TSPAN14: variants seen among roughly 807,000 people sequenced by gnomAD.
The protein encoded by TSPAN14 is tetraspanin 14, also known as tetraspanin-14.
In TSPAN14, 16 loss-of-function variants were observed where a neutral mutation model predicts 36.6. The observed-to-expected ratio is 0.44, with a 90% CI of 0.30 to 0.66. The LOEUF (loss-of-function observed/expected upper bound fraction) is 0.66. Ranked by LOEUF, TSPAN14 falls within the 30% of genes least tolerant of loss-of-function variation. The pLI is 0.12. For synonymous variants in TSPAN14, 139 were observed against 143.8 expected (o/e 0.97, Z 0.24); for missense variants, 231 against 355.1 (o/e 0.65, Z 2.81).
At chr10:80,491,102 T>C (rs1395223240) in intron 2 of TSPAN14, among the ~76,000 whole-genome samples, 1 of 152,166 alleles carries the variant, frequency 6.6e-6, no homozygotes, top group African/African-American at 2.4e-5. Flanking sequence ...TATCTTAGTA[T>C]GTTTGGGGAT....
intron 2 of TSPAN14, among the ~76,000 whole-genome samples, chr10:80,502,605 C>G (rs1848583011): frequency 2.0e-5 from 3 of 151,760 alleles, no homozygotes; most frequent in South Asian, 4.2e-4. Context: ...CTTACACTTG[C>G]TGGGTGGACG....
intron 1 of TSPAN14, among the ~76,000 whole-genome samples, chr10:80,459,856 C>G (rs542043193): frequency 6.6e-6 from 1 of 152,262 alleles, no homozygotes; most frequent in African/African-American, 2.4e-5. Context: ...GTGTCTGTCC[C>G]CAGTCTGGGT....
chr10:80,474,023 T>C (rs1353081857), intron 1 of TSPAN14, among the ~76,000 whole-genome samples: 1 of 152,146 alleles, frequency 6.6e-6, no homozygotes, highest in Non-Finnish European at 1.5e-5. Flanking sequence ...TGGGCCTGCC[T>C]GTTCCTTTGG....
At chr10:80,520,537 C>T (rs1841205854) in exon 9 of TSPAN14, 1 of 490,376 alleles carries the variant, frequency 2.0e-6, no homozygotes, top group Non-Finnish European at 4.2e-6. Flanking sequence ...CCTCACCATG[C>T]ACATGCTAAC....
At chr10:80,510,939 T>C (rs925661273) in intron 5 of TSPAN14, among the ~76,000 whole-genome samples, 9 of 152,138 alleles carry the variant, frequency 5.9e-5, no homozygotes, top group African/African-American at 2.2e-4. Flanking sequence ...AGGGATTCAG[T>C]AAATTACAGA....
chr10:80,482,351 A>G (rs1037277266), intron 1 of TSPAN14, among the ~76,000 whole-genome samples: 16 of 152,096 alleles, frequency 1.1e-4, no homozygotes, highest in Non-Finnish European at 2.1e-4. Context: ...CACTGGCGCA[A>G]TCTCAGCTCA....
intron 1 of TSPAN14, among the ~76,000 whole-genome samples, chr10:80,479,601 G>A (rs1036718191): frequency 1.1e-4 from 16 of 152,268 alleles, no homozygotes; most frequent in African/African-American, 3.4e-4. Context: ...TCAGATAGTT[G>A]TAGATATGTG....
At chr10:80,512,214 G>A (rs1174760299) in exon 6 of TSPAN14, 1 of 1,614,124 alleles carries the variant, frequency 6.2e-7, no homozygotes, top group African/African-American at 1.3e-5. Context: ...AGCGGTGCCA[G>A]CTACAGCCGA....
rs145609138 is a variant in TSPAN14, at chr10:80,481,782, C to T, written c.-17-7435C>T. Among the ~76,000 whole-genome samples the T allele has an allele frequency of 3.7e-3, 560 of 152,286 alleles. 4 individuals carry two copies. The highest frequency in any genetic ancestry group is 0.012 in the African/African-American group (504 of 41,566). On this transcript the variant is annotated intron_variant, in intron 1 of 8. Transcript: ENST00000429989. The stretch of plus-strand genomic sequence containing the variant: ...CTGGGATTACAGGCATGGGCCACTG[C>T]GCCTGGCTAATTTTTTTTTTGAGAC...
chr10:80,479,517 C>G (rs1215594247), intron 1 of TSPAN14, among the ~76,000 whole-genome samples: 2 of 152,150 alleles, frequency 1.3e-5, no homozygotes, highest in East Asian at 3.8e-4. Context: ...ATATGGCTAG[C>G]CAGTTTTCCC....
At position 80,485,752 on chromosome 10, in the gene TSPAN14, A is replaced by G. The variant is rs58856500; in HGVS notation, c.-17-3465A>G. The G allele has an allele frequency of 5.2e-3, 4,711 of 899,782 alleles. 186 individuals are homozygous for G. In the African/African-American group the frequency reaches 0.079, roughly 15 times the overall value. 55.7% of individuals were successfully genotyped at this position (899,782 alleles called of 1,614,324 possible). ...GTTAGGTGGGTGGCAGGGGTGGGAA[A>G]GCGGGGAGCGGAGAAGGAAAACTGA... On this transcript the variant is annotated intron_variant, in intron 1 of 8. Transcript: ENST00000429989.
At chr10:80,469,136 A>G (rs1476846404) in intron 1 of TSPAN14, among the ~76,000 whole-genome samples, 2 of 146,586 alleles carry the variant, frequency 1.4e-5, no homozygotes, top group Non-Finnish European at 3.0e-5. Context: ...TGGTGAGGTT[A>G]TCTTTGGGGC....
intron 3 of TSPAN14, among the ~76,000 whole-genome samples, chr10:80,505,879 T>C (rs2132044413): frequency 6.6e-6 from 1 of 152,360 alleles, no homozygotes; most frequent in Non-Finnish European, 1.5e-5. Context: ...AGAGAGAGTT[T>C]ATTCAAGCAC....
At chr10:80,485,008 C>G (rs750962538) in intron 1 of TSPAN14, among the ~76,000 whole-genome samples, 2 of 152,324 alleles carry the variant, frequency 1.3e-5, no homozygotes, top group East Asian at 1.9e-4. Context: ...TTTTGATAAA[C>G]ATGTGCCTCC....
intron 8 of TSPAN14, among the ~76,000 whole-genome samples, chr10:80,517,420 G>A (rs1840995301): frequency 6.6e-6 from 1 of 152,226 alleles, no homozygotes; most frequent in Admixed American, 6.5e-5. Context: ...TGATTTCCCT[G>A]CTCACCAAGG....
chr10:80,489,919 C>T (rs188443114), intron 2 of TSPAN14, among the ~76,000 whole-genome samples: 2 of 152,190 alleles, frequency 1.3e-5, no homozygotes, highest in Admixed American at 1.3e-4. Context: ...GACAGAATGG[C>T]AGCTGCAAAG....
chr10:80,498,947 G>A (rs1282680628), intron 2 of TSPAN14, among the ~76,000 whole-genome samples: 3 of 152,194 alleles, frequency 2.0e-5, no homozygotes, highest in African/African-American at 7.2e-5. Context: ...GTGAATGTCA[G>A]GCTGAGTCAG....
intron 1 of TSPAN14, among the ~76,000 whole-genome samples, chr10:80,458,472 G>T (rs2131947785): frequency 6.6e-6 from 1 of 152,154 alleles, no homozygotes. Context: ...GAGGCCTCAG[G>T]TTCTTCTGCT....
intron 1 of TSPAN14, among the ~76,000 whole-genome samples, chr10:80,473,798 C>T (rs1044076236): frequency 4.0e-5 from 6 of 149,088 alleles, no homozygotes; most frequent in Admixed American, 3.4e-4. Flanking sequence ...CTGGATTTGG[C>T]GTTTGGGTTA....
Sources: allele counts gnomAD v4.1 joint callset (sites outside exome capture counted in the v4.1 genomes callset), GRCh38; gene constraint gnomAD v4.1.1; transcripts MANE v1.5; gene names NCBI Gene and HGNC (gene_info 2026-07-23, HGNC 2026-07-21).